The following TMED8 variants were observed in gnomAD, a reference collection of about 807,000 sequenced individuals.
TMED8 encodes transmembrane p24 trafficking protein family member 8, also known as protein TMED8.
A neutral mutation model predicts 32.7 loss-of-function variants in TMED8; 15 were observed. The ratio of observed to expected loss-of-function variants is 0.46; its 90% CI spans 0.31 to 0.71. The LOEUF (loss-of-function observed/expected upper bound fraction) is 0.71, where lower values mean the gene tolerates loss of function less well. Among genes scored for constraint, TMED8 ranks in the 30% least tolerant of loss-of-function variants. TMED8 has a pLI of 0.06. For synonymous variants in TMED8, 147 were observed against 161.4 expected, an observed-to-expected ratio of 0.91 and a Z score of 0.68; for missense variants, 390 against 423.9, an observed-to-expected ratio of 0.92 and a Z score of 0.70.
rs1368249443 is a variant in TMED8 at position 77,343,801 on chromosome 14, T to G, written c.350A>C (p.Gln117Pro). The stretch of plus-strand genomic sequence containing the variant: ...GATCATAACGATGTCCCCAGACCTC[T>G]GTGGAACTTGATACTTAGCCATCTG... The part of the protein sequence containing the change: ...LNEMAKYQVP[Q>P]RSGDIVMIQS... The change falls in exon 4 of 6, where the codon CAG (glutamine) becomes CCG (proline). Residue 117 changes from glutamine (Q) to proline (P), a missense_variant. Coordinates refer to ENST00000216468, the MANE Select transcript of TMED8 (RefSeq NM_213601.3). 4 of 1,613,890 alleles carry G rather than the reference T, an allele frequency of 2.5e-6. No homozygotes were observed. In the Admixed American group the frequency reaches 6.7e-5, roughly 27 times the overall value.
In TMED8 at chr14:77,354,178, A is replaced by G. The variant is rs117840857; in HGVS notation, c.119-2427T>C. 4.5e-3 allele frequency among the ~76,000 whole-genome samples: 689 copies of G among 152,288 alleles called. 4 individuals carry two copies. Among genetic ancestry groups the G allele is most frequent in the Non-Finnish European group, 8.1e-3 (553 of 68,020 alleles). On this transcript the variant is annotated intron_variant, in intron 1 of 5. Transcript: ENST00000216468. ...GTGTGTTCCAATCCGTGCAGACTACACTGACAATAACCTCTTAAAAAGGAC... is the reference window on the plus strand; with the variant it reads ...GTGTGTTCCAATCCGTGCAGACTACGCTGACAATAACCTCTTAAAAAGGAC...
intron 3 of TMED8, 128 bp from the exon 4 acceptor site, chr14:77,343,951 G>T: frequency 1.1e-6 from 1 of 884,082 alleles, no homozygotes; most frequent in Non-Finnish European, 1.6e-6. Context: ...TAATGTACTA[G>T]TCAATGTTCC....
intron 1 of TMED8, among the ~76,000 whole-genome samples, chr14:77,367,217 G>C (rs1401980362): frequency 2.1e-5 from 3 of 143,298 alleles, no homozygotes; most frequent in Admixed American, 1.4e-4. Flanking sequence ...ACTCCAGCCT[G>C]GGTGACAGAG....
intron 4 of TMED8, 72 bp from the exon 5 acceptor site, chr14:77,343,555 A>G (rs1892959560): frequency 6.3e-7 from 1 of 1,581,624 alleles, no homozygotes; most frequent in Middle Eastern, 1.8e-4. Context: ...TTGCTAAGAG[A>G]GGCTGGCACA....
intron 1 of TMED8, chr14:77,359,783 C>T (rs912228989): frequency 8.6e-6 from 2 of 233,800 alleles, no homozygotes; most frequent in African/African-American, 4.7e-5. Flanking sequence ...CTGCCAATTT[C>T]AAATGTAATT....
chr14:77,344,777 C>T (rs1033783213), intron 3 of TMED8, among the ~76,000 whole-genome samples: 2 of 152,200 alleles, frequency 1.3e-5, no homozygotes, highest in Non-Finnish European at 2.9e-5. Flanking sequence ...TTGTAATCCT[C>T]CCAGGCTGTA....
At chr14:77,370,028 C>T (rs1229407183) in intron 1 of TMED8, among the ~76,000 whole-genome samples, 2 of 151,958 alleles carry the variant, frequency 1.3e-5, no homozygotes, top group East Asian at 1.9e-4. Flanking sequence ...AAAAATTAGC[C>T]GGGCGTGGTG....
At chr14:77,363,440 A>G (rs1333221109) in intron 1 of TMED8, among the ~76,000 whole-genome samples, 1 of 152,176 alleles carries the variant, frequency 6.6e-6, no homozygotes, top group Non-Finnish European at 1.5e-5. Flanking sequence ...ACTAAAACCT[A>G]GGGGATGCAA....
intron 2 of TMED8, among the ~76,000 whole-genome samples, chr14:77,351,460 A>G (rs1198988114): frequency 1.8e-5 from 2 of 112,768 alleles, no homozygotes; most frequent in South Asian, 2.7e-4. Context: ...ACGGGGTTTC[A>G]CTGTGCTAGC....
At chr14:77,346,754 G>C (rs1437008861) in intron 2 of TMED8, among the ~76,000 whole-genome samples, 1 of 121,382 alleles carries the variant, frequency 8.2e-6, no homozygotes, top group African/African-American at 3.3e-5. Context: ...ATGGACTGCT[G>C]GTCTGGTTTT....
chr14:77,349,106 CTTT>C (rs33964835), intron 2 of TMED8, among the ~76,000 whole-genome samples: 1 of 91,972 alleles, frequency 1.1e-5, no homozygotes, highest in Non-Finnish European at 2.0e-5. Flanking sequence ...CTCTAAGGCC[CTTT>C]TTTTTTTTTT....
intron 1 of TMED8, among the ~76,000 whole-genome samples, chr14:77,367,478 T>G (rs557098158): frequency 6.1e-4 from 93 of 152,084 alleles, no homozygotes; most frequent in Non-Finnish European, 1.0e-3. Flanking sequence ...GGACATTATT[T>G]CCTTGCTTTC....
intron 3 of TMED8, among the ~76,000 whole-genome samples, chr14:77,345,134 C>T (rs1742056135): frequency 6.6e-6 from 1 of 152,064 alleles, no homozygotes; most frequent in Non-Finnish European, 1.5e-5. Flanking sequence ...ATTACAGACA[C>T]CTGCCAACAC....
rs989489221 is a variant in TMED8, at chr14:77,337,411, C to G, written c.*4360G>C. 1 of 151,098 alleles carries G rather than the reference C, an allele frequency of 6.6e-6. No homozygotes were observed. Among genetic ancestry groups the G allele is most frequent in the East Asian group, 1.9e-4 (1 of 5,174 alleles). The allele number at this position is 151,098 out of a possible 1,614,324, so 9.4% of individuals were successfully genotyped here. A position where few individuals can be genotyped will look rare whatever the true frequency, so the allele number is the denominator to read the frequency against. On this transcript the variant is annotated 3_prime_UTR_variant, in exon 6 of 6. Coordinates refer to ENST00000216468, the MANE Select transcript of TMED8 (RefSeq NM_213601.3). ...AGAAACAATTTTTTTTTTTTTGAGACGGAATCTTGCTCTGTTGCCCAGTCT... is the reference window on the plus strand; with the variant it reads ...AGAAACAATTTTTTTTTTTTTGAGAGGGAATCTTGCTCTGTTGCCCAGTCT...
chr14:77,343,391 G>A lies in TMED8; in HGVS notation c.547C>T (p.Leu183=), dbSNP rs768516236. 1 of 1,613,994 alleles carries A rather than the reference G, an allele frequency of 6.2e-7. No individual in the cohort carries two copies. The highest frequency in any genetic ancestry group is 1.3e-5 in the African/African-American group (1 of 74,908). The part of the protein sequence containing the change: ...SKLGKEKNSR[L]VVKRGEVVTI... ...ACCACCTCACCACGCTTCACCACCA[G>A]ACGGCTGTTCTTCTCTTTGCCCAGC... Residue 183 remains leucine, a synonymous_variant, in exon 5 of 6, where the codon CTG becomes TTG. Coordinates refer to ENST00000216468, the MANE Select transcript of TMED8 (RefSeq NM_213601.3).
chr14:77,338,544 C>T lies in TMED8; in HGVS notation c.*3227G>A, dbSNP rs1892819057. On this transcript the variant is annotated 3_prime_UTR_variant, in exon 6 of 6. Transcript: ENST00000216468. ...GATCTACCTCTGACCTGGAAACCCCCATCTTCAAGATGTCCTGCCTTTCCA... is the reference window on the plus strand; with the variant it reads ...GATCTACCTCTGACCTGGAAACCCCTATCTTCAAGATGTCCTGCCTTTCCA... 6.6e-6 allele frequency: 1 copy of T among 152,252 alleles called. No homozygotes were observed. The highest frequency in any genetic ancestry group is 6.5e-5 in the Admixed American group (1 of 15,286). The allele number at this position is 152,252 out of a possible 1,614,324, so 9.4% of individuals were successfully genotyped here.
chr14:77,369,408 A>AGC (rs1186376173), intron 1 of TMED8, among the ~76,000 whole-genome samples: 2 of 152,212 alleles, frequency 1.3e-5, no homozygotes, highest in Non-Finnish European at 2.9e-5. Flanking sequence ...TCATGAACTT[A>AGC]GCTGTTTCTG....
chr14:77,343,704 G>T lies in TMED8; in HGVS notation c.447C>A (p.His149Gln). Residue 149 changes from histidine (H) to glutamine (Q), a missense_variant, in exon 4 of 6, where the codon CAC becomes CAA. Transcript: ENST00000216468. ...TACTCCCAAAGGTCTCACCTTTCCT[G>T]TGGTCCCCCAGAAGATCTGCAGATT... ...DLESADLLGD[H>Q]RKVSPPLMAP... 2 of 1,614,120 alleles carry T rather than the reference G, an allele frequency of 1.2e-6. No individual in the cohort carries two copies. Among genetic ancestry groups the T allele is most frequent in the Non-Finnish European group, 1.7e-6 (2 of 1,180,036 alleles).
chr14:77,348,599 T>G (rs1021670600), intron 2 of TMED8, among the ~76,000 whole-genome samples: 3 of 152,214 alleles, frequency 2.0e-5, no homozygotes, highest in African/African-American at 7.2e-5. Context: ...TTAATAATTT[T>G]TAAGAGTATA....
Sources: allele counts gnomAD v4.1 joint callset (sites outside exome capture counted in the v4.1 genomes callset), GRCh38; gene constraint gnomAD v4.1.1; transcripts MANE v1.5; gene names NCBI Gene and HGNC (gene_info 2026-07-23, HGNC 2026-07-21).